UGT2B11: variants seen among roughly 807,000 people sequenced by gnomAD.
UGT2B11 encodes the protein UDP-glucuronosyltransferase 2B11.
A neutral mutation model predicts 51.7 loss-of-function variants in UGT2B11; 49 were observed. The observed-to-expected ratio is 0.95, with a 90% CI of 0.75 to 1.20. The LOEUF (loss-of-function observed/expected upper bound fraction) is 1.20. Among genes scored for constraint, UGT2B11 ranks in the 50% most tolerant of loss-of-function variants. The pLI is 0.00. For synonymous variants in UGT2B11, 273 were observed against 209.0 expected, an observed-to-expected ratio of 1.31 and a Z score of -2.64; for missense variants, 810 against 622.1, an observed-to-expected ratio of 1.30 and a Z score of -3.21.
the UGT2B11 span, among the ~76,000 whole-genome samples, chr4:69,224,808 C>T: frequency 1.3e-5 from 2 of 151,146 alleles, no homozygotes; most frequent in Admixed American, 6.6e-5. Context: ...AAAGCTTCCA[C>T]AGCGTGGAAG....
At chr4:69,217,897 A>C (rs1398001336), upstream of UGT2B11, among the ~76,000 whole-genome samples, 2 of 152,112 alleles carry the variant, frequency 1.3e-5, no homozygotes, top group Non-Finnish European at 1.5e-5. Context: ...GCCCGTCACC[A>C]TGTCTTAATG....
intron 5 of UGT2B11, chr4:69,204,197 A>C (rs1007119615): frequency 2.3e-6 from 1 of 429,542 alleles, no homozygotes; most frequent in Non-Finnish European, 3.9e-6. Context: ...ATATCATTTT[A>C]AAATTATTTT....
At chr4:69,217,675 A>G (rs1193122309), upstream of UGT2B11, among the ~76,000 whole-genome samples, 6 of 152,060 alleles carry the variant, frequency 3.9e-5, no homozygotes, top group East Asian at 9.7e-4. Flanking sequence ...TTCAATGTGG[A>G]CCAACTCTGA....
At chr4:69,221,787 C>T in the UGT2B11 span, among the ~76,000 whole-genome samples, 2 of 152,148 alleles carry the variant, frequency 1.3e-5, no homozygotes, top group African/African-American at 4.8e-5. Flanking sequence ...ACTTCCTGGC[C>T]CTCAATGGTC....
At chr4:69,207,101 T>A (rs1229041421) in intron 3 of UGT2B11, among the ~76,000 whole-genome samples, 1 of 151,628 alleles carries the variant, frequency 6.6e-6, no homozygotes, top group Non-Finnish European at 1.5e-5. Flanking sequence ...AGGAACCTTT[T>A]GGTATCATGA....
chr4:69,220,375 C>T, the UGT2B11 span, among the ~76,000 whole-genome samples: 1 of 152,064 alleles, frequency 6.6e-6, no homozygotes, highest in Non-Finnish European at 1.5e-5. Context: ...ATGTATCATA[C>T]TGTGGTCTGG....
At chr4:69,210,660 G>A (rs1388188494) in intron 2 of UGT2B11, among the ~76,000 whole-genome samples, 1 of 151,464 alleles carries the variant, frequency 6.6e-6, no homozygotes, top group Admixed American at 6.6e-5. Flanking sequence ...TGTGAATGGG[G>A]AAATCTTTCA....
chr4:69,214,660 C>T lies in UGT2B11; in HGVS notation c.63G>A (p.Gly21=). 6.2e-7 allele frequency: 1 copy of T among 1,613,044 alleles called. No individual in the cohort carries two copies. Among genetic ancestry groups the T allele is most frequent in the Non-Finnish European group, 8.5e-7 (1 of 1,179,260 alleles). Reference sequence around the variant, plus strand: ...CCCACACCAGCACTTTTCCACAACTCCCAGAGCTAAAGTAACAACTGAGAT... The same window carrying T: ...CCCACACCAGCACTTTTCCACAACTTCCAGAGCTAAAGTAACAACTGAGAT... ...LIHLSCYFSS[G]SCGKVLVWAA... is the part of the protein sequence containing the mutation. The change falls in exon 1 of 6, where the codon GGG becomes GGA. Residue 21 remains glycine (G), a synonymous_variant. Coordinates refer to ENST00000446444, the MANE Select transcript of UGT2B11 (RefSeq NM_001073.3).
chr4:69,220,358 T>C, the UGT2B11 span, among the ~76,000 whole-genome samples: 1 of 152,074 alleles, frequency 6.6e-6, no homozygotes. Flanking sequence ...GTCTAAACTG[T>C]TTGTGGATGT....
chr4:69,219,034 T>A (rs924890491), upstream of UGT2B11, among the ~76,000 whole-genome samples: 3 of 152,116 alleles, frequency 2.0e-5, no homozygotes, highest in Admixed American at 2.0e-4. Context: ...AGCTGTAGTA[T>A]TCAGGCACCC....
intron 1 of UGT2B11, among the ~76,000 whole-genome samples, chr4:69,213,185 G>A (rs2109954388): frequency 6.6e-6 from 1 of 151,700 alleles, no homozygotes; most frequent in Non-Finnish European, 1.5e-5. Flanking sequence ...ACTATTTTGA[G>A]TGTATGGCAG....
Position 69,212,639 on chromosome 4 carries a change from A to G in UGT2B11, c.804T>C (p.His268=). The G allele has an allele frequency of 1.9e-6, 3 of 1,610,704 alleles. No individual in the cohort carries two copies. The highest frequency in any genetic ancestry group is 3.3e-5 in the Admixed American group (2 of 59,810). Residue 268 remains histidine, a synonymous_variant, in exon 2 of 6, where the codon CAT becomes CAC. Transcript: ENST00000446444. ...MRNSWSFQFP[H]PFLPNVDFVG... ...CAAAATCAACGTTTGGTAAGAATGG[A>G]TGAGGAAATTGAAAACTCCAGGAGT...
rs188482194 is a variant in UGT2B11, at chr4:69,204,929, A to G, written c.1091-280T>C. Among the ~76,000 whole-genome samples the G allele has an allele frequency of 9.0e-4, 137 of 151,784 alleles. 1 individual carries two copies. Among genetic ancestry groups the G allele is most frequent in the African/African-American group, 3.2e-3 (133 of 41,474 alleles). ...AAATGTGCACAAAAGAGGACAGCAAAGAGATGGGCATGAAATAAAGTTTTA... is the reference window on the plus strand; with the variant it reads ...AAATGTGCACAAAAGAGGACAGCAAGGAGATGGGCATGAAATAAAGTTTTA... On this transcript the variant is annotated intron_variant, in intron 4 of 5. Coordinates refer to ENST00000446444, the MANE Select transcript of UGT2B11 (RefSeq NM_001073.3).
chr4:69,217,656 T>C (rs1468415791), upstream of UGT2B11, among the ~76,000 whole-genome samples: 2 of 152,034 alleles, frequency 1.3e-5, no homozygotes, highest in South Asian at 2.1e-4. Context: ...GAAGGCCAAT[T>C]CTCCTCATTT....
intron 4 of UGT2B11, among the ~76,000 whole-genome samples, 157 bp from the exon 5 acceptor site, chr4:69,204,806 GA>G (rs1485442782): frequency 1.3e-5 from 2 of 151,726 alleles, no homozygotes; most frequent in East Asian, 3.9e-4. Context: ...TTGTTTAGGA[GA>G]TGTAACTGAA....
chr4:69,214,991 T>C (rs1722221354), upstream of UGT2B11: 2 of 402,686 alleles, frequency 5.0e-6, no homozygotes, highest in South Asian at 3.8e-5. Context: ...TGTAACCTAC[T>C]TTATAATAGT....
intron 3 of UGT2B11, 90 bp downstream of exon 3, chr4:69,208,261 A>G: frequency 6.3e-7 from 1 of 1,581,390 alleles, no homozygotes; most frequent in South Asian, 1.2e-5. Flanking sequence ...TAAAGAGTTC[A>G]CTCTACTCTT....
In UGT2B11 at chr4:69,200,624, G is replaced by A; in HGVS notation, c.1406C>T (p.Pro469Leu). The A allele has an allele frequency of 2.5e-6, 4 of 1,612,348 alleles. No individual in the cohort carries two copies. Among genetic ancestry groups the A allele is most frequent in the African/African-American group, 1.3e-5 (1 of 74,864 alleles). ...RAVFWIEFVM[P>L]HKGAKHLRVA... ...TCGAAGGTGTTTGGCTCCTTTGTGG[G>A]GCATGACAAATTCAATCCAGAAGAC... Residue 469 changes from proline to leucine, a missense_variant, in exon 6 of 6, where the codon CCC (proline) becomes CTC (leucine). By Grantham distance (98) the Pro-to-Leu change is moderately conservative (BLOSUM62 -3). Coordinates refer to ENST00000446444, the MANE Select transcript of UGT2B11 (RefSeq NM_001073.3).
At chr4:69,206,474 A>G (rs1443496535) in intron 3 of UGT2B11, among the ~76,000 whole-genome samples, 2 of 151,494 alleles carry the variant, frequency 1.3e-5, no homozygotes, top group African/African-American at 4.8e-5. Flanking sequence ...GATGTATTGG[A>G]GGGTGGAGGG....
Sources: gnomAD v4.1 joint callset for allele counts (sites outside exome capture counted in the v4.1 genomes callset) on GRCh38, gnomAD v4.1.1 for gene constraint, MANE v1.5 for transcripts, NCBI Gene and HGNC (gene_info 2026-07-23, HGNC 2026-07-21) for gene names.